CASS4: variants seen among roughly 807,000 people sequenced by gnomAD.
CASS4 encodes the protein Cas scaffold protein family member 4, also known as cas scaffolding protein family member 4.
In CASS4, 22 loss-of-function variants were observed where a neutral mutation model predicts 54.2. The ratio of observed to expected loss-of-function variants is 0.41; its 90% confidence interval spans 0.29 to 0.58. CASS4 has a LOEUF of 0.58. Ranked by LOEUF, CASS4 falls within the 20% of genes least tolerant of loss-of-function variation. The pLI is 0.36. For synonymous variants in CASS4, 409 were observed against 391.5 expected, an observed-to-expected ratio of 1.04 and a Z score of -0.53; for missense variants, 854 against 986.7, an observed-to-expected ratio of 0.87 and a Z score of 1.80.
intron 3 of CASS4, among the ~76,000 whole-genome samples, chr20:56,450,224 A>G (rs923779212): frequency 1.3e-5 from 2 of 152,024 alleles, no homozygotes; most frequent in African/African-American, 4.8e-5. Flanking sequence ...AGAGTTCTCC[A>G]TGTTGGCCAG....
At chr20:56,456,396 C>T (rs923712656) in intron 5 of CASS4, among the ~76,000 whole-genome samples, 3 of 148,904 alleles carry the variant, frequency 2.0e-5, no homozygotes, top group East Asian at 2.0e-4. Flanking sequence ...TTTTTTGAGA[C>T]GAAGTCTTGC....
At chr20:56,421,328 T>G (rs1056620169) in intron 1 of CASS4, among the ~76,000 whole-genome samples, 7 of 152,186 alleles carry the variant, frequency 4.6e-5, no homozygotes, top group Admixed American at 6.5e-5. Context: ...CAATTTGTTA[T>G]TTTACCTAAA....
At chr20:56,441,747 G>A (rs1297583166) in intron 2 of CASS4, among the ~76,000 whole-genome samples, 1 of 152,142 alleles carries the variant, frequency 6.6e-6, no homozygotes, top group African/African-American at 2.4e-5. Context: ...GGTGATTGGG[G>A]ACCTCCCAAC....
rs941785305 is a variant in CASS4 at position 56,455,623 on chromosome 20, G to A, written c.1953+2494G>A. ...ATTTGAGTGTATCACAATCACCTAT[G>A]ATCTTTGTTAAAACTCACATGGCTG... On this transcript the variant is annotated intron_variant, in intron 5 of 5. Coordinates refer to ENST00000679887, the MANE Select transcript of CASS4 (RefSeq NM_020356.4). 2.6e-5 allele frequency among the ~76,000 whole-genome samples: 4 copies of A among 152,252 alleles called. No individual in the cohort carries two copies. In the East Asian group the frequency reaches 7.7e-4, roughly 29 times the overall value.
chr20:56,458,178 T>C (rs1981390258), intron 5 of CASS4, among the ~76,000 whole-genome samples, 162 bp from the exon 6 acceptor site: 4 of 152,002 alleles, frequency 2.6e-5, no homozygotes. Flanking sequence ...TTTGAAAACA[T>C]TAATTTGTTA....
intron 1 of CASS4, among the ~76,000 whole-genome samples, chr20:56,436,012 A>G (rs1225147361): frequency 6.6e-6 from 1 of 152,046 alleles, no homozygotes; most frequent in Non-Finnish European, 1.5e-5. Context: ...TCGGCCCCCC[A>G]AAGTGCTGGG....
intron 2 of CASS4, among the ~76,000 whole-genome samples, chr20:56,440,682 GT>G (rs1421341301): frequency 6.6e-6 from 1 of 152,234 alleles, no homozygotes; most frequent in African/African-American, 2.4e-5. Context: ...GGAAAGATGA[GT>G]TTACTATTGA....
At chr20:56,441,380 G>A (rs186073690) in intron 2 of CASS4, among the ~76,000 whole-genome samples, 9,826 of 151,512 alleles carry the variant, frequency 0.065, 719 homozygotes, top group African/African-American at 0.18. Context: ...CAAGGCGGGT[G>A]GATCACCTGA....
intron 5 of CASS4, among the ~76,000 whole-genome samples, chr20:56,455,251 G>A (rs1438990345): frequency 2.0e-5 from 3 of 151,988 alleles, no homozygotes; most frequent in Non-Finnish European, 4.4e-5. Context: ...TTAAATTAAT[G>A]TAAGTAAAAA....
In CASS4 at chr20:56,451,950, G is replaced by A. The variant is rs375006912; in HGVS notation, c.774G>A (p.Thr258=). ...CAGGAAAGGCCAGCGTCAGAAACAC[G>A]CCTCTCACCAGCTTTGCGGAAGAAT... The part of the protein sequence containing the change: ...VSPGKASVRN[T]PLTSFAEESR... Residue 258 remains threonine, a synonymous_variant, in exon 5 of 6, where the codon ACG becomes ACA. Transcript: ENST00000679887. The A allele has an allele frequency of 1.3e-5, 21 of 1,614,002 alleles. No homozygotes were observed. Among genetic ancestry groups the A allele is most frequent in the Middle Eastern group, 1.6e-4 (1 of 6,084 alleles).
chr20:56,445,092 A>G (rs1411249996), intron 2 of CASS4, among the ~76,000 whole-genome samples: 3 of 151,382 alleles, frequency 2.0e-5, no homozygotes, highest in African/African-American at 7.3e-5. Context: ...CCTGGGCAAC[A>G]GGAGCGAAGA....
chr20:56,448,674 T>C (rs1980845052), intron 3 of CASS4, among the ~76,000 whole-genome samples: 1 of 152,230 alleles, frequency 6.6e-6, no homozygotes, highest in Non-Finnish European at 1.5e-5. Flanking sequence ...TTTCTCTCTT[T>C]CTTTGCAAAA....
rs79910377 is a variant in CASS4, at chr20:56,415,647, G to A, written c.36+3153G>A. On this transcript the variant is annotated intron_variant, in intron 1 of 5. Transcript: ENST00000679887. Reference sequence around the variant, plus strand: ...ACAATGCTTCAAGGGGTCATGTCATGTCAGTGGTCCTTAGCTTTGGGGCAT... The same window carrying A: ...ACAATGCTTCAAGGGGTCATGTCATATCAGTGGTCCTTAGCTTTGGGGCAT... Among the ~76,000 whole-genome samples the A allele has an allele frequency of 1.7e-3, 264 of 152,312 alleles. 2 individuals carry two copies. The highest frequency in any genetic ancestry group is 6.2e-3 in the African/African-American group (256 of 41,558).
At chr20:56,417,369 C>T (rs576775059) in intron 1 of CASS4, among the ~76,000 whole-genome samples, 6 of 152,298 alleles carry the variant, frequency 3.9e-5, no homozygotes, top group South Asian at 2.1e-4. Context: ...TGCTGTTCCC[C>T]GCCTTGGATT....
At chr20:56,424,136 ATGAT>A (rs1456424383) in intron 1 of CASS4, among the ~76,000 whole-genome samples, 1 of 152,212 alleles carries the variant, frequency 6.6e-6, no homozygotes, top group Non-Finnish European at 1.5e-5. Context: ...TTTATGTGAG[ATGAT>A]GCAAGAAACT....
At position 56,451,935 on chromosome 20, in the gene CASS4, C is replaced by G. The variant is rs779398752; in HGVS notation, c.759C>G (p.Ala253=). 1 of 1,614,140 alleles carries G rather than the reference C, an allele frequency of 6.2e-7. No individual in the cohort carries two copies. The highest frequency in any genetic ancestry group is 8.5e-7 in the Non-Finnish European group (1 of 1,180,030). Residue 253 remains alanine, a synonymous_variant, in exon 5 of 6, where the codon GCC becomes GCG. Transcript: ENST00000679887. ...ACACTCCAGTGTCTCCAGGAAAGGC[C>G]AGCGTCAGAAACACGCCTCTCACCA... The part of the protein sequence containing the change: ...IYDTPVSPGK[A]SVRNTPLTSF...
intron 1 of CASS4, among the ~76,000 whole-genome samples, chr20:56,426,986 T>C (rs962957625): frequency 1.3e-5 from 2 of 152,082 alleles, no homozygotes; most frequent in Non-Finnish European, 2.9e-5. Flanking sequence ...GAGGACACTT[T>C]CCAGATCATC....
intron 2 of CASS4, among the ~76,000 whole-genome samples, chr20:56,438,884 C>G (rs1295886572): frequency 2.0e-5 from 3 of 152,180 alleles, no homozygotes; most frequent in Admixed American, 2.0e-4. Flanking sequence ...ACAAAAAACT[C>G]TAAAAAGGAA....
chr20:56,426,965 G>A (rs1007091036), intron 1 of CASS4, among the ~76,000 whole-genome samples: 2 of 152,092 alleles, frequency 1.3e-5, no homozygotes, highest in African/African-American at 4.8e-5. Context: ...GTTATGTGGG[G>A]TTTGCAAAGT....
Sources: allele counts gnomAD v4.1 joint callset (sites outside exome capture counted in the v4.1 genomes callset), GRCh38; gene constraint gnomAD v4.1.1; transcripts MANE v1.5; gene names NCBI Gene and HGNC (gene_info 2026-07-23, HGNC 2026-07-21).